Variants in MEPE observed in about 807,000 individuals in gnomAD.
The protein encoded by MEPE is matrix, extracellular phosphoglycoprotein with ASARM motif (bone).
In MEPE, 7 loss-of-function variants were observed where a neutral mutation model predicts 7.3. That is an observed-to-expected ratio of 0.95 (90% CI 0.54 to 1.79). The LOEUF (loss-of-function observed/expected upper bound fraction) is 1.79, where lower values mean the gene tolerates loss of function less well. Among genes scored for constraint, MEPE ranks in the 40% most tolerant of loss-of-function variants. The probability of loss-of-function intolerance (pLI) is 0.00; values close to 1 mark genes in which losing one functional copy is unlikely to be tolerated. For missense variants in MEPE, 623 were observed against 628.2 expected, an observed-to-expected ratio of 0.99 and a Z score of 0.09; for synonymous variants, 214 against 213.1, an observed-to-expected ratio of 1.00 and a Z score of -0.04.
chr4:87,832,806 C>G (rs912784405), upstream of MEPE: 57 of 152,244 alleles, frequency 3.7e-4, no homozygotes, highest in African/African-American at 1.3e-3. Flanking sequence ...TTGATAGTAG[C>G]TTTCTACCAC....
intron 3 of MEPE, among the ~76,000 whole-genome samples, chr4:87,838,955 T>C (rs990253704): frequency 4.6e-5 from 7 of 152,218 alleles, no homozygotes; most frequent in African/African-American, 1.7e-4. Flanking sequence ...CAGGCAACCT[T>C]CATGGGGCTA....
upstream of MEPE, among the ~76,000 whole-genome samples, chr4:87,832,105 C>A (rs745629780): frequency 2.0e-5 from 3 of 151,838 alleles, no homozygotes; most frequent in Non-Finnish European, 4.4e-5. Flanking sequence ...TGTCTTCACA[C>A]TGCAGACAAG....
At chr4:87,821,770 G>T (rs1360770628) in intron 1 of MEPE, among the ~76,000 whole-genome samples, 1 of 152,066 alleles carries the variant, frequency 6.6e-6, no homozygotes, top group African/African-American at 2.4e-5. Flanking sequence ...AGCCTGCAAG[G>T]GTGCTCCATA....
chr4:87,842,005 A>T (rs1723033708), intron 3 of MEPE, among the ~76,000 whole-genome samples: 1 of 152,220 alleles, frequency 6.6e-6, no homozygotes, highest in South Asian at 2.1e-4. Flanking sequence ...AAATCATTTA[A>T]TTCTCCCCAA....
intron 1 of MEPE, 94 bp from the exon 2 acceptor site, chr4:87,834,609 G>C: frequency 1.1e-6 from 1 of 904,450 alleles, no homozygotes; most frequent in Non-Finnish European, 1.7e-6. Context: ...CAAGGGGAAG[G>C]GTGTTTATAT....
At chr4:87,822,365 C>T (rs1232166066) in intron 1 of MEPE, among the ~76,000 whole-genome samples, 4 of 152,046 alleles carry the variant, frequency 2.6e-5, no homozygotes, top group Non-Finnish European at 5.9e-5. Flanking sequence ...GTGCAGACTC[C>T]CAGGACTTTC....
upstream of MEPE, among the ~76,000 whole-genome samples, chr4:87,829,213 A>T (rs1457560605): frequency 2.7e-5 from 4 of 149,654 alleles, no homozygotes; most frequent in East Asian, 7.8e-4. Context: ...ATAGGCTCTC[A>T]TTTTTTTTTG....
chr4:87,826,100 A>G (rs1722456575), intron 1 of MEPE, among the ~76,000 whole-genome samples: 1 of 151,992 alleles, frequency 6.6e-6, no homozygotes, highest in Admixed American at 6.6e-5. Flanking sequence ...ATGGGCATTT[A>G]TATCATTTTC....
chr4:87,843,124 G>A (rs1278911471), intron 3 of MEPE, among the ~76,000 whole-genome samples: 2 of 152,026 alleles, frequency 1.3e-5, no homozygotes, highest in South Asian at 2.1e-4. Flanking sequence ...TCTTTGTAAT[G>A]TTTTTCTTTG....
At position 87,845,954 on chromosome 4, in the gene MEPE, C is replaced by T. The variant is rs777469475; in HGVS notation, c.1086C>T (p.Ser362=). The T allele has an allele frequency of 2.5e-6, 4 of 1,613,750 alleles. No individual in the cohort carries two copies. The African/African-American group carries it at 5.3e-5, about 22-fold the overall frequency. ...GREGNRVDAG[S]QNAHQGKVEF... ...AAGGAAACAGAGTGGATGCTGGCAG[C>T]CAAAATGCTCACCAAGGGAAGGTTG... The change falls in exon 4 of 4, where the codon AGC becomes AGT. Residue 362 remains serine (S), a synonymous_variant. Coordinates refer to ENST00000361056, the MANE Select transcript of MEPE (RefSeq NM_020203.6).
intron 2 of MEPE, among the ~76,000 whole-genome samples, chr4:87,835,499 T>C (rs1722752932): frequency 6.6e-6 from 1 of 152,182 alleles, no homozygotes. Context: ...TGGAGAACCA[T>C]GGAAACAAAT....
At position 87,846,146 on chromosome 4, in the gene MEPE, G is replaced by T. The variant is rs765358836; in HGVS notation, c.1278G>T (p.Arg426Ser). ...AAGCAACCTTAAATGAAAAACAAAG[G>T]TTTCCTAGTAAGGGCAAAAGTCAGG... is the stretch of plus-strand genomic sequence containing the variant. ...RNQATLNEKQ[R>S]FPSKGKSQGL... The change falls in exon 4 of 4, where the codon AGG (arginine) becomes AGT (serine). Residue 426 changes from arginine (R) to serine (S), a missense_variant. Arg to Ser is a moderately radical substitution (Grantham distance 110). Transcript: ENST00000361056. 80 of 1,613,838 alleles carry T rather than the reference G, an allele frequency of 5.0e-5. No homozygotes were observed. The Admixed American group carries it at 1.3e-3, about 27-fold the overall frequency.
At chr4:87,831,208 G>A (rs1018486411), upstream of MEPE, among the ~76,000 whole-genome samples, 3 of 152,060 alleles carry the variant, frequency 2.0e-5, no homozygotes, top group Admixed American at 1.3e-4. Context: ...AAGAGAGCAG[G>A]CAATCGCACT....
At position 87,845,297 on chromosome 4, in the gene MEPE, C is replaced by T. The variant is rs145299039; in HGVS notation, c.429C>T (p.Gly143=). The T allele has an allele frequency of 3.1e-5, 50 of 1,613,880 alleles. No individual in the cohort carries two copies. The highest frequency in any genetic ancestry group is 7.7e-5 in the South Asian group (7 of 91,070). The part of the protein sequence containing the change: ...ISKLHDQEEY[G]AALIRNNMQH... Reference sequence around the variant, plus strand: ...AACTACATGACCAAGAAGAATATGGCGCAGCTCTCATCAGAAATAACATGC... The same window carrying T: ...AACTACATGACCAAGAAGAATATGGTGCAGCTCTCATCAGAAATAACATGC... Residue 143 remains glycine (G), a synonymous_variant, in exon 4 of 4, where the codon GGC becomes GGT. Coordinates refer to ENST00000361056, the MANE Select transcript of MEPE (RefSeq NM_020203.6).
At chr4:87,836,158 G>T (rs1372656603) in intron 2 of MEPE, among the ~76,000 whole-genome samples, 1 of 152,130 alleles carries the variant, frequency 6.6e-6, no homozygotes, top group Non-Finnish European at 1.5e-5. Context: ...TGCCATTTTA[G>T]TAATTACCTG....
intron 2 of MEPE, among the ~76,000 whole-genome samples, chr4:87,837,098 G>A (rs1722823207): frequency 6.6e-6 from 1 of 152,166 alleles, no homozygotes; most frequent in Non-Finnish European, 1.5e-5. Flanking sequence ...ACTACAGGGA[G>A]CTCAGTAGAG....
At chr4:87,839,600 A>T in intron 3 of MEPE, 1 of 918,854 alleles carries the variant, frequency 1.1e-6, no homozygotes, top group African/African-American at 1.7e-5. Flanking sequence ...CCCAACTTTT[A>T]AAGTTTCTTA....
exon 1 of MEPE, chr4:87,821,413 GC>G (rs1722335601): frequency 6.6e-6 from 1 of 152,076 alleles, no homozygotes; most frequent in African/African-American, 2.4e-5. Flanking sequence ...ATAAACAAAT[GC>G]AGTGCTCCCC....
chr4:87,836,992 C>T (rs1722819632), intron 2 of MEPE, among the ~76,000 whole-genome samples: 1 of 152,300 alleles, frequency 6.6e-6, no homozygotes, highest in South Asian at 2.1e-4. Flanking sequence ...GCAGCTATGC[C>T]TTGGAGTCCA....
Sources: allele counts gnomAD v4.1 joint callset (sites outside exome capture counted in the v4.1 genomes callset), GRCh38; gene constraint gnomAD v4.1.1; transcripts MANE v1.5; gene names NCBI Gene and HGNC (gene_info 2026-07-23, HGNC 2026-07-21).